Variants in INPP4B observed in about 807,000 individuals in gnomAD.
INPP4B encodes inositol polyphosphate-4-phosphatase type II B.
In INPP4B, 55 loss-of-function variants were observed where a neutral mutation model predicts 122.5. The ratio of observed to expected loss-of-function variants is 0.45; its 90% CI spans 0.36 to 0.56. The LOEUF is 0.56. Among genes scored for constraint, INPP4B ranks in the 20% least tolerant of loss-of-function variants. INPP4B has a pLI of 0.00. For synonymous variants in INPP4B, 403 were observed against 388.7 expected (o/e 1.04, Z -0.43); for missense variants, 1,000 against 1,097.7 (o/e 0.91, Z 1.26).
At chr4:142,297,471 T>C (rs1759255256) in intron 9 of INPP4B, among the ~76,000 whole-genome samples, 1 of 152,260 alleles carries the variant, frequency 6.6e-6, no homozygotes, top group Non-Finnish European at 1.5e-5. Flanking sequence ...CTTAGTGCCA[T>C]CCTAGAGATA....
At chr4:142,588,547 T>G (rs892729294) in intron 2 of INPP4B, among the ~76,000 whole-genome samples, 1 of 150,214 alleles carries the variant, frequency 6.7e-6, no homozygotes, top group Admixed American at 6.6e-5. Context: ...TGTTAAACAT[T>G]TTATAATTTT....
At chr4:142,774,813 AT>A (rs1458699393) in intron 1 of INPP4B, among the ~76,000 whole-genome samples, 1 of 152,068 alleles carries the variant, frequency 6.6e-6, no homozygotes, top group Non-Finnish European at 1.5e-5. Context: ...TTCTCTTATT[AT>A]TAACCTCTTA....
At chr4:142,234,144 T>G (rs1855661871) in intron 12 of INPP4B, among the ~76,000 whole-genome samples, 1 of 152,180 alleles carries the variant, frequency 6.6e-6, no homozygotes, top group Non-Finnish European at 1.5e-5. Flanking sequence ...GTTTTTGCAC[T>G]AACTGTTCTT....
intron 1 of INPP4B, among the ~76,000 whole-genome samples, chr4:142,793,968 A>T (rs1776888267): frequency 6.6e-6 from 1 of 152,094 alleles, no homozygotes; most frequent in African/African-American, 2.4e-5. Flanking sequence ...TAATGTATAG[A>T]TGTCAGTTCT....
At chr4:142,124,939 C>G (rs1048426143) in intron 18 of INPP4B, among the ~76,000 whole-genome samples, 179 bp from the exon 19 acceptor site, 1 of 152,096 alleles carries the variant, frequency 6.6e-6, no homozygotes, top group Non-Finnish European at 1.5e-5. Context: ...CCACAATGTC[C>G]ATAAGCAGCC....
intron 2 of INPP4B, among the ~76,000 whole-genome samples, chr4:142,563,853 T>C (rs901405375): frequency 5.3e-5 from 8 of 152,168 alleles, no homozygotes; most frequent in Non-Finnish European, 1.2e-4. Flanking sequence ...GGCACAGCTA[T>C]GGCTATGGCT....
intron 1 of INPP4B, among the ~76,000 whole-genome samples, chr4:142,738,074 A>G (rs1433976043): frequency 1.3e-5 from 2 of 152,220 alleles, no homozygotes; most frequent in African/African-American, 4.8e-5. Flanking sequence ...ATCTAGAACT[A>G]GAAATACCAT....
chr4:142,222,189 G>A lies in INPP4B; in HGVS notation c.837-13163C>T, dbSNP rs535693211. ...TAGCCAAGCTGGTCTTGAACTCCTGGCCTCAGGTGATTCACCTGCTTAGGC... is the reference window on the plus strand; with the variant it reads ...TAGCCAAGCTGGTCTTGAACTCCTGACCTCAGGTGATTCACCTGCTTAGGC... On this transcript the variant is annotated intron_variant, in intron 12 of 25. Coordinates refer to ENST00000262992, the MANE Select transcript of INPP4B (RefSeq NM_001101669.3). 3.0e-3 allele frequency among the ~76,000 whole-genome samples: 463 copies of A among 152,216 alleles called. 6 individuals carry two copies. The highest frequency in any genetic ancestry group is 9.6e-3 in the African/African-American group (398 of 41,540).
intron 2 of INPP4B, among the ~76,000 whole-genome samples, chr4:142,489,583 G>A (rs1821609254): frequency 6.6e-6 from 1 of 151,982 alleles, no homozygotes; most frequent in African/African-American, 2.4e-5. Context: ...TAGTAGAGAC[G>A]AGGTTTCACC....
intron 16 of INPP4B, among the ~76,000 whole-genome samples, chr4:142,168,186 G>T (rs1823801280): frequency 6.6e-6 from 1 of 151,388 alleles, no homozygotes; most frequent in Non-Finnish European, 1.5e-5. Flanking sequence ...TTTATTCTGT[G>T]TGGAGTATAT....
intron 1 of INPP4B, among the ~76,000 whole-genome samples, chr4:142,781,885 A>G (rs541437572): frequency 6.6e-6 from 1 of 152,244 alleles, no homozygotes; most frequent in South Asian, 2.1e-4. Context: ...GAATTACTAC[A>G]GAAAGTCCAT....
chr4:142,355,345 T>A (rs1579828429), intron 7 of INPP4B, among the ~76,000 whole-genome samples: 1 of 152,130 alleles, frequency 6.6e-6, no homozygotes, highest in South Asian at 2.1e-4. Flanking sequence ...GGAAGTTGAA[T>A]GAGATGCAGA....
At chr4:142,428,141 A>T (rs1808510109) in intron 5 of INPP4B, among the ~76,000 whole-genome samples, 1 of 151,650 alleles carries the variant, frequency 6.6e-6, no homozygotes, top group Non-Finnish European at 1.5e-5. Context: ...GTCATATTTT[A>T]AAATAAAATA....
At chr4:142,727,935 C>T (rs1014286076) in intron 1 of INPP4B, among the ~76,000 whole-genome samples, 6 of 152,070 alleles carry the variant, frequency 3.9e-5, no homozygotes, top group Non-Finnish European at 7.3e-5. Context: ...TGACAGTCAG[C>T]GCTATTTGGT....
intron 15 of INPP4B, 65 bp from the exon 16 acceptor site, chr4:142,173,874 A>T: frequency 7.8e-7 from 1 of 1,278,742 alleles, no homozygotes; most frequent in Non-Finnish European, 1.1e-6. Context: ...CCTTAATATC[A>T]GATGGCAAAT....
intron 1 of INPP4B, among the ~76,000 whole-genome samples, chr4:142,783,648 G>C (rs1246629429): frequency 6.6e-6 from 1 of 152,100 alleles, no homozygotes. Context: ...CTGGGATTAT[G>C]ATAAACAGAA....
chr4:142,782,217 G>C (rs1774962819), intron 1 of INPP4B, among the ~76,000 whole-genome samples: 1 of 151,700 alleles, frequency 6.6e-6, no homozygotes, highest in Non-Finnish European at 1.5e-5. Context: ...CCACCTATGA[G>C]TGAGAACATG....
chr4:142,371,406 A>G (rs982269837), intron 7 of INPP4B, among the ~76,000 whole-genome samples: 1 of 152,192 alleles, frequency 6.6e-6, no homozygotes, highest in African/African-American at 2.4e-5. Context: ...CAGGCAGCAG[A>G]AAGAAAATTA....
chr4:142,798,529 G>A (rs1415980285), intron 1 of INPP4B, among the ~76,000 whole-genome samples: 2 of 151,864 alleles, frequency 1.3e-5, no homozygotes, highest in Non-Finnish European at 2.9e-5. Context: ...GAGGAGAGGT[G>A]CTAATACCCC....
Sources: gnomAD v4.1 joint callset for allele counts (sites outside exome capture counted in the v4.1 genomes callset) on GRCh38, gnomAD v4.1.1 for gene constraint, MANE v1.5 for transcripts, NCBI Gene and HGNC (gene_info 2026-07-23, HGNC 2026-07-21) for gene names.